TMEM108: variants seen among roughly 807,000 people sequenced by gnomAD.
TMEM108 encodes transmembrane protein 108, also known as cancer/testis antigen 124.
TMEM108 carries 12 observed loss-of-function variants against 35.1 expected under a neutral mutation model. The observed-to-expected ratio is 0.34, with a 90% CI of 0.22 to 0.55. The LOEUF is 0.55. Ranked by LOEUF, TMEM108 falls within the 20% of genes least tolerant of loss-of-function variation. The pLI is 0.89. For missense variants in TMEM108, 680 were observed against 753.3 expected (o/e 0.90, Z 1.14); for synonymous variants, 287 against 308.6 (o/e 0.93, Z 0.73).
intron 2 of TMEM108, among the ~76,000 whole-genome samples, chr3:133,144,579 A>G (rs1289544629): frequency 6.6e-6 from 1 of 152,226 alleles, no homozygotes; most frequent in African/African-American, 2.4e-5. Context: ...ACTAATTTAC[A>G]GTCCTACCAA....
At chr3:133,275,614 A>C (rs1946828294) in intron 3 of TMEM108, among the ~76,000 whole-genome samples, 1 of 152,138 alleles carries the variant, frequency 6.6e-6, no homozygotes, top group Non-Finnish European at 1.5e-5. Context: ...GGTTAGATGG[A>C]TAATTTAGAA....
At chr3:133,113,919 T>G (rs1944256142) in intron 2 of TMEM108, among the ~76,000 whole-genome samples, 1 of 152,218 alleles carries the variant, frequency 6.6e-6, no homozygotes, top group African/African-American at 2.4e-5. Flanking sequence ...GCATACAGAA[T>G]GATTGATTCT....
chr3:133,183,147 G>A (rs755028210), intron 2 of TMEM108, among the ~76,000 whole-genome samples: 9 of 152,094 alleles, frequency 5.9e-5, no homozygotes, highest in Admixed American at 3.3e-4. Flanking sequence ...AAAATTGCAG[G>A]TTTTAGAGCA....
chr3:133,383,469 C>T (rs951197068), intron 4 of TMEM108, among the ~76,000 whole-genome samples: 10 of 152,138 alleles, frequency 6.6e-5, no homozygotes, highest in East Asian at 3.8e-4. Context: ...GACACTGTGC[C>T]GAGCATTAGG....
intron 2 of TMEM108, among the ~76,000 whole-genome samples, chr3:133,155,310 G>A (rs757986363): frequency 6.6e-6 from 1 of 152,076 alleles, no homozygotes; most frequent in Non-Finnish European, 1.5e-5. Context: ...GAGTAGTGCT[G>A]CAATAAACAT....
Position 133,045,975 on chromosome 3 carries a change from T to A in TMEM108, c.-92T>A, listed in dbSNP as rs997647729. ...GAAAAGCAGCAGAGCCGATGGGTCA[T>A]GAGGATGTAAGTGCGTTTGAAGGCT... is the stretch of plus-strand genomic sequence containing the variant. On this transcript the variant is annotated 5_prime_UTR_variant, in exon 2 of 6. The change abolishes an upstream ATG in the 5' untranslated region. Transcript: ENST00000321871. The A allele has an allele frequency of 6.6e-6, 1 of 152,634 alleles. No individual in the cohort carries two copies. Among genetic ancestry groups the A allele is most frequent in the East Asian group, 1.9e-4 (1 of 5,196 alleles). 9.5% of individuals were successfully genotyped at this position (152,634 alleles called of 1,614,324 possible). A position where few individuals can be genotyped will look rare whatever the true frequency, so the allele number is the denominator to read the frequency against.
At chr3:133,079,212 A>G (rs964965758) in intron 2 of TMEM108, among the ~76,000 whole-genome samples, 9 of 152,180 alleles carry the variant, frequency 5.9e-5, no homozygotes, top group African/African-American at 2.2e-4. Flanking sequence ...TGGTCAGGTG[A>G]GATGGAATAT....
chr3:133,192,786 C>G (rs1945518180), intron 2 of TMEM108: 1 of 152,414 alleles, frequency 6.6e-6, no homozygotes. Flanking sequence ...GTGAGGCGGC[C>G]AGCTTCATGA....
chr3:133,393,543 A>C (rs543950339), intron 5 of TMEM108, among the ~76,000 whole-genome samples: 4 of 152,258 alleles, frequency 2.6e-5, no homozygotes, highest in Non-Finnish European at 5.9e-5. Context: ...AGCCTAACAC[A>C]CAGTAAATGC....
intron 2 of TMEM108, among the ~76,000 whole-genome samples, 157 bp from the exon 3 acceptor site, chr3:133,229,109 C>T (rs1946115392): frequency 6.6e-6 from 1 of 152,106 alleles, no homozygotes; most frequent in African/African-American, 2.4e-5. Context: ...TAACATACAC[C>T]ATTGTAAATT....
At chr3:133,318,986 T>G (rs2107717173) in intron 3 of TMEM108, among the ~76,000 whole-genome samples, 1 of 150,316 alleles carries the variant, frequency 6.7e-6, no homozygotes, top group African/African-American at 2.4e-5. Flanking sequence ...ACAGGCTGCC[T>G]GGAGATAAAC....
At chr3:133,216,802 A>G (rs760886037) in intron 2 of TMEM108, among the ~76,000 whole-genome samples, 13 of 152,102 alleles carry the variant, frequency 8.5e-5, no homozygotes, top group Non-Finnish European at 1.3e-4. Flanking sequence ...TTGTGTGTAT[A>G]TATATACCAC....
chr3:133,328,202 C>T (rs956285187), intron 3 of TMEM108, among the ~76,000 whole-genome samples: 1 of 152,142 alleles, frequency 6.6e-6, no homozygotes, highest in Non-Finnish European at 1.5e-5. Context: ...AATGTTGTAT[C>T]CTAATGTCAT....
rs3054624 is a variant in TMEM108 at position 133,371,613 on chromosome 3, C to CAAAAAAAAAAAAAAA, written c.41-8127_41-8113dup. ...ATCACTGCAGCCAGTCACAAACCCA[C>CAAAAAAAAAAAAAAA]AAAAAAAAAAAAAAAAAAAAAAAAA... is the stretch of plus-strand genomic sequence containing the variant. On this transcript the variant is annotated intron_variant, in intron 3 of 5. Transcript: ENST00000321871. Among the ~76,000 whole-genome samples, 17 of 78,094 alleles carry CAAAAAAAAAAAAAAA rather than the reference C, an allele frequency of 2.2e-4. 1 individual carries two copies. Among genetic ancestry groups the CAAAAAAAAAAAAAAA allele is most frequent in the African/African-American group, 1.0e-3 (17 of 16,944 alleles). 51.2% of individuals were successfully genotyped at this position (78,094 alleles called of 152,430 possible). A position where few individuals can be genotyped will look rare whatever the true frequency, so the allele number is the denominator to read the frequency against.
intron 3 of TMEM108, among the ~76,000 whole-genome samples, chr3:133,270,811 A>T (rs1317263405): frequency 3.8e-4 from 58 of 151,276 alleles, no homozygotes; most frequent in Non-Finnish European, 2.9e-5. Flanking sequence ...ACACACACAC[A>T]CACACACACT....
At chr3:133,393,141 G>A (rs190195961) in intron 5 of TMEM108, among the ~76,000 whole-genome samples, 1 of 152,224 alleles carries the variant, frequency 6.6e-6, no homozygotes, top group East Asian at 1.9e-4. Flanking sequence ...TTAGAGCTTC[G>A]TTCTTGCACC....
At chr3:133,334,806 C>G (rs189252527) in intron 3 of TMEM108, among the ~76,000 whole-genome samples, 2 of 152,294 alleles carry the variant, frequency 1.3e-5, no homozygotes. Flanking sequence ...ATAACTGATA[C>G]ATGGTGTTCC....
At chr3:133,267,919 C>G (rs1946721351) in intron 3 of TMEM108, among the ~76,000 whole-genome samples, 1 of 152,164 alleles carries the variant, frequency 6.6e-6, no homozygotes, top group South Asian at 2.1e-4. Context: ...GGAAGTCACA[C>G]AGAATCCTAG....
chr3:133,187,062 G>A (rs570804125), intron 2 of TMEM108, among the ~76,000 whole-genome samples: 1 of 152,250 alleles, frequency 6.6e-6, no homozygotes, highest in African/African-American at 2.4e-5. Context: ...CTTCACAGTT[G>A]TAACATTCTT....
Sources: allele counts gnomAD v4.1 joint callset (sites outside exome capture counted in the v4.1 genomes callset), GRCh38; gene constraint gnomAD v4.1.1; transcripts MANE v1.5; gene names NCBI Gene and HGNC (gene_info 2026-07-23, HGNC 2026-07-21).